FHIT: variants seen among roughly 807,000 people sequenced by gnomAD.
FHIT encodes the protein bis(5'-adenosyl)-triphosphatase.
Under a neutral mutation model 17.9 loss-of-function variants are expected in FHIT, and 19 were observed. That is an observed-to-expected ratio of 1.06 (90% CI 0.74 to 1.56). The LOEUF (loss-of-function observed/expected upper bound fraction) is 1.56, where lower values mean the gene tolerates loss of function less well. Ranked by LOEUF, FHIT falls within the 40% of genes most tolerant of loss-of-function variation. The pLI, the probability that FHIT is intolerant of heterozygous loss-of-function variation, is 0.00. For synonymous variants in FHIT, 81 were observed against 69.7 expected, an observed-to-expected ratio of 1.16 and a Z score of -0.81; for missense variants, 248 against 189.2, an observed-to-expected ratio of 1.31 and a Z score of -1.82.
At chr3:60,113,912 G>C (rs1458812957) in intron 5 of FHIT, among the ~76,000 whole-genome samples, 2 of 143,066 alleles carry the variant, frequency 1.4e-5, no homozygotes, top group Non-Finnish European at 3.0e-5. Flanking sequence ...TGAGGCAGGA[G>C]AATGGCGTGA....
chr3:60,369,961 C>T (rs947378039), intron 5 of FHIT, among the ~76,000 whole-genome samples: 44 of 152,114 alleles, frequency 2.9e-4, no homozygotes, highest in African/African-American at 9.9e-4. Context: ...TCATGATTAA[C>T]TATGTTGGCA....
chr3:60,346,943 T>C (rs1710811221), intron 5 of FHIT, among the ~76,000 whole-genome samples: 2 of 152,342 alleles, frequency 1.3e-5, no homozygotes, highest in South Asian at 2.1e-4. Context: ...CTGTAGATCA[T>C]ATGGACACTT....
chr3:59,920,046 G>A (rs1329230564), intron 8 of FHIT, among the ~76,000 whole-genome samples: 1 of 152,178 alleles, frequency 6.6e-6, no homozygotes, highest in Admixed American at 6.5e-5. Flanking sequence ...TGGAAAGAAT[G>A]GTAGATGGGA....
chr3:59,803,687 AG>A (rs1700088044), intron 8 of FHIT, among the ~76,000 whole-genome samples: 1 of 152,202 alleles, frequency 6.6e-6, no homozygotes, highest in African/African-American at 2.4e-5. Context: ...GACCCAACAA[AG>A]CAAAATGGCT....
chr3:60,063,966 T>A (rs756166233), intron 5 of FHIT, among the ~76,000 whole-genome samples: 1 of 152,212 alleles, frequency 6.6e-6, no homozygotes, highest in Non-Finnish European at 1.5e-5. Context: ...GTGTGAAGAA[T>A]GTATATAATA....
intron 7 of FHIT, among the ~76,000 whole-genome samples, chr3:59,950,576 C>T (rs538509364): frequency 8.5e-5 from 13 of 152,052 alleles, no homozygotes; most frequent in African/African-American, 2.7e-4. Flanking sequence ...CTTTTCTTTT[C>T]TTTTCTGCTT....
At chr3:59,960,012 C>G (rs1231333170) in intron 7 of FHIT, among the ~76,000 whole-genome samples, 1 of 151,878 alleles carries the variant, frequency 6.6e-6, no homozygotes, top group African/African-American at 2.4e-5. Flanking sequence ...TCGAGCAGGT[C>G]AATGAGGGAA....
chr3:59,809,689 T>G (rs182973319), intron 8 of FHIT, among the ~76,000 whole-genome samples: 6 of 152,320 alleles, frequency 3.9e-5, no homozygotes, highest in Admixed American at 1.3e-4. Flanking sequence ...AGGGCTTTCT[T>G]TGTAATGACT....
At chr3:59,789,509 C>T (rs1699460482) in intron 8 of FHIT, among the ~76,000 whole-genome samples, 1 of 152,196 alleles carries the variant, frequency 6.6e-6, no homozygotes, top group African/African-American at 2.4e-5. Flanking sequence ...AGGTTTACAT[C>T]TTATTCTCAC....
chr3:60,293,034 C>T (rs1037839143), intron 5 of FHIT, among the ~76,000 whole-genome samples: 10 of 152,014 alleles, frequency 6.6e-5, no homozygotes, highest in African/African-American at 2.4e-4. Flanking sequence ...TCCCCTGATG[C>T]CAATACATAT....
intron 5 of FHIT, among the ~76,000 whole-genome samples, chr3:60,263,209 AG>A (rs1407899318): frequency 6.6e-6 from 1 of 152,012 alleles, no homozygotes; most frequent in East Asian, 1.9e-4. Flanking sequence ...AGTGTTGACA[AG>A]GATTGGCAGC....
At chr3:60,720,504 T>C (rs907387015) in intron 4 of FHIT, among the ~76,000 whole-genome samples, 36 of 152,322 alleles carry the variant, frequency 2.4e-4, no homozygotes, top group African/African-American at 7.9e-4. Context: ...GCAGTACCAA[T>C]GGTAATATAT....
intron 2 of FHIT, among the ~76,000 whole-genome samples, chr3:61,126,787 G>A (rs1238300343): frequency 6.6e-6 from 1 of 152,132 alleles, no homozygotes; most frequent in African/African-American, 2.4e-5. Context: ...TACCAGGGTG[G>A]GTGGTGGAGG....
rs114882113 is a variant in FHIT at position 61,183,286 on chromosome 3, C to T, written c.-164+17331G>A. On this transcript the variant is annotated intron_variant, in intron 2 of 9. Transcript: ENST00000492590. Reference sequence around the variant, plus strand: ...ACAAGTGCCCAATTTATAGAAAAAGCGAGTAAGTGACTCTGAATGAATCAA... The same window carrying T: ...ACAAGTGCCCAATTTATAGAAAAAGTGAGTAAGTGACTCTGAATGAATCAA... Among the ~76,000 whole-genome samples, 582 of 138,808 alleles carry T rather than the reference C, an allele frequency of 4.2e-3. 1 individual carries two copies. The highest frequency in any genetic ancestry group is 0.015 in the African/African-American group (545 of 37,492). 91.1% of individuals were successfully genotyped at this position (138,808 alleles called of 152,430 possible). A position where few individuals can be genotyped will look rare whatever the true frequency, so the allele number is the denominator to read the frequency against.
At chr3:60,582,166 G>A (rs1576920314) in intron 4 of FHIT, among the ~76,000 whole-genome samples, 1 of 152,060 alleles carries the variant, frequency 6.6e-6, no homozygotes, top group East Asian at 1.9e-4. Context: ...GATTTATTTG[G>A]ACTGGGGTGC....
chr3:59,985,069 T>C (rs1415788201), intron 7 of FHIT, among the ~76,000 whole-genome samples: 9 of 152,048 alleles, frequency 5.9e-5, no homozygotes, highest in Non-Finnish European at 8.8e-5. Flanking sequence ...TAGGAAACTC[T>C]TCAGGGACAT....
At chr3:60,694,715 A>C (rs1452157485) in intron 4 of FHIT, among the ~76,000 whole-genome samples, 19 of 152,304 alleles carry the variant, frequency 1.2e-4, no homozygotes, top group African/African-American at 4.6e-4. Flanking sequence ...ACATATACAC[A>C]ATGGAATACT....
chr3:61,065,567 G>C (rs7631695), intron 2 of FHIT, among the ~76,000 whole-genome samples: 83,471 of 151,858 alleles, frequency 0.55, 24,050 homozygotes, highest in Non-Finnish European at 0.65. Flanking sequence ...AGTCTACTGC[G>C]CTTCCCCAAA....
intron 2 of FHIT, among the ~76,000 whole-genome samples, chr3:61,118,257 C>T (rs1457549038): frequency 6.6e-6 from 1 of 152,322 alleles, no homozygotes; most frequent in African/African-American, 2.4e-5. Context: ...AAGGTCTCAA[C>T]TTAATGCCAG....
Sources: gnomAD v4.1 joint callset for allele counts (sites outside exome capture counted in the v4.1 genomes callset) on GRCh38, gnomAD v4.1.1 for gene constraint, MANE v1.5 for transcripts, NCBI Gene and HGNC (gene_info 2026-07-23, HGNC 2026-07-21) for gene names.